The following GRIP1 variants were observed in gnomAD, a reference collection of about 807,000 sequenced individuals.
GRIP1 encodes glutamate receptor-interacting protein 1.
In GRIP1, 45 loss-of-function variants were observed where a neutral mutation model predicts 129.9. The observed-to-expected ratio is 0.35, with a 90% CI of 0.27 to 0.44. The LOEUF (loss-of-function observed/expected upper bound fraction) is 0.44, where lower values mean the gene tolerates loss of function less well. Among genes scored for constraint, GRIP1 ranks in the 20% least tolerant of loss-of-function variants. The pLI is 1.00. For synonymous variants in GRIP1, 530 were observed against 520.8 expected (o/e 1.02, Z -0.24); for missense variants, 1,196 against 1,396.8 (o/e 0.86, Z 2.29).
At chr12:66,719,024 A>T (rs191769714) in intron 1 of GRIP1, among the ~76,000 whole-genome samples, 1 of 152,212 alleles carries the variant, frequency 6.6e-6, no homozygotes, top group East Asian at 1.9e-4. Context: ...CAACTAAGAA[A>T]TTTTTTAGAA....
chr12:66,477,302 C>G (rs2138502454), intron 7 of GRIP1, among the ~76,000 whole-genome samples: 1 of 151,922 alleles, frequency 6.6e-6, no homozygotes, highest in Non-Finnish European at 1.5e-5. Context: ...AATAAAATAC[C>G]TAGGAATCCA....
Position 66,599,730 on chromosome 12 carries a change from C to T in GRIP1, c.56-2803G>A, listed in dbSNP as rs75508153. On this transcript the variant is annotated intron_variant, in intron 1 of 24. Coordinates refer to ENST00000359742, the MANE Select transcript of GRIP1 (RefSeq NM_001366722.1). ...CTATGGAGGCTTCTATCTTCTCTTG[C>T]GTCTCTAAATGCAGCTTTATAGATA... is the stretch of plus-strand genomic sequence containing the variant. Among the ~76,000 whole-genome samples, 986 of 152,244 alleles carry T rather than the reference C, an allele frequency of 6.5e-3. 7 individuals are homozygous for T. The highest frequency in any genetic ancestry group is 0.022 in the African/African-American group (933 of 41,548).
chr12:66,412,240 A>G (rs2057428143), intron 15 of GRIP1, among the ~76,000 whole-genome samples: 1 of 152,222 alleles, frequency 6.6e-6, no homozygotes, highest in South Asian at 2.1e-4. Flanking sequence ...AAGAAAAGCC[A>G]GGACGCCTAC....
chr12:66,783,738 C>A (rs1007903272), intron 1 of GRIP1, among the ~76,000 whole-genome samples: 1 of 151,852 alleles, frequency 6.6e-6, no homozygotes, highest in African/African-American at 2.4e-5. Flanking sequence ...CCTTAAAGTG[C>A]TAAAAAAATA....
intron 1 of GRIP1, among the ~76,000 whole-genome samples, chr12:66,653,369 T>C (rs1382889882): frequency 6.6e-6 from 1 of 152,216 alleles, no homozygotes; most frequent in Non-Finnish European, 1.5e-5. Flanking sequence ...TTTTGCAGAA[T>C]ATTCAGGCAT....
chr12:66,917,964 A>C (rs1196724998), intron 1 of GRIP1, among the ~76,000 whole-genome samples: 1 of 151,998 alleles, frequency 6.6e-6, no homozygotes, highest in Non-Finnish European at 1.5e-5. Context: ...ACACACACAC[A>C]CACACACACA....
chr12:66,375,822 G>A (rs2055759354), intron 22 of GRIP1, among the ~76,000 whole-genome samples: 1 of 152,126 alleles, frequency 6.6e-6, no homozygotes. Flanking sequence ...TGTAAAATAA[G>A]CTGTTAGAAA....
chr12:66,634,965 A>G (rs1482344960), intron 1 of GRIP1, among the ~76,000 whole-genome samples: 1 of 152,230 alleles, frequency 6.6e-6, no homozygotes, highest in Non-Finnish European at 1.5e-5. Flanking sequence ...CTGGCATCAT[A>G]TTATTTGTTC....
At position 66,678,990 on chromosome 12, in the gene GRIP1, G is replaced by T. The variant is rs965606050; in HGVS notation, c.-86C>A. ...CAGCAGCAGCATATGAATTCCTTGCGCACATACCAGGAGAAAGGTAGTCCC... is the reference window on the plus strand; with the variant it reads ...CAGCAGCAGCATATGAATTCCTTGCTCACATACCAGGAGAAAGGTAGTCCC... On this transcript the variant is annotated 5_prime_UTR_variant, in exon 1 of 25. The change creates a premature stop within an existing upstream ORF in the 5' untranslated region. Coordinates refer to ENST00000359742, the MANE Select transcript of GRIP1 (RefSeq NM_001366722.1). 3 of 1,603,890 alleles carry T rather than the reference G, an allele frequency of 1.9e-6. No individual in the cohort carries two copies. The East Asian group carries it at 6.8e-5, about 36-fold the overall frequency.
chr12:66,379,549 A>C, intron 19 of GRIP1, 113 bp from the exon 20 acceptor site: 1 of 1,015,172 alleles, frequency 9.9e-7, no homozygotes, highest in Non-Finnish European at 1.6e-6. Flanking sequence ...CAATAACAAT[A>C]GTGAACACAT....
chr12:66,804,333 C>T (rs1347146127), upstream of GRIP1: 2 of 218,382 alleles, frequency 9.2e-6, no homozygotes, highest in South Asian at 6.2e-5. Flanking sequence ...ACCATCAACA[C>T]GGCGACTTTG....
At chr12:66,897,937 G>A (rs1389214558) in intron 1 of GRIP1, among the ~76,000 whole-genome samples, 12 of 152,032 alleles carry the variant, frequency 7.9e-5, no homozygotes, top group Admixed American at 4.6e-4. Context: ...CCAAATCCTC[G>A]CAAAACAAAG....
intron 1 of GRIP1, among the ~76,000 whole-genome samples, chr12:66,920,022 C>A (rs1006896719): frequency 2.0e-5 from 3 of 151,788 alleles, no homozygotes; most frequent in East Asian, 3.9e-4. Context: ...ATAATATAAA[C>A]CCAATAGAAT....
At chr12:66,932,533 G>A (rs940262440) in intron 1 of GRIP1, among the ~76,000 whole-genome samples, 12 of 151,718 alleles carry the variant, frequency 7.9e-5, no homozygotes, top group South Asian at 4.2e-4. Flanking sequence ...AAGCGAATAG[G>A]TCACTTAATT....
chr12:66,396,553 G>A (rs1177474094), intron 16 of GRIP1, among the ~76,000 whole-genome samples: 1 of 152,184 alleles, frequency 6.6e-6, no homozygotes, highest in Non-Finnish European at 1.5e-5. Flanking sequence ...AGGATAGTCT[G>A]TTTCAGGCTG....
chr12:66,448,421 C>A (rs771335136), intron 11 of GRIP1, among the ~76,000 whole-genome samples: 1 of 152,144 alleles, frequency 6.6e-6, no homozygotes, highest in African/African-American at 2.4e-5. Flanking sequence ...TTTGGGCTTT[C>A]ATTATTTTTT....
At chr12:66,360,470 TGA>T (rs2054704414) in intron 23 of GRIP1, among the ~76,000 whole-genome samples, 1 of 152,166 alleles carries the variant, frequency 6.6e-6, no homozygotes, top group Admixed American at 6.5e-5. Context: ...ACCTGGACCA[TGA>T]ACACAGTTGC....
chr12:66,660,014 A>T (rs1291618519), intron 1 of GRIP1, among the ~76,000 whole-genome samples: 2 of 152,200 alleles, frequency 1.3e-5, no homozygotes, highest in Non-Finnish European at 2.9e-5. Flanking sequence ...CATCAAAATA[A>T]ATCAATGTTC....
At chr12:66,385,757 A>G (rs61925898) in intron 19 of GRIP1, among the ~76,000 whole-genome samples, 89,895 of 151,622 alleles carry the variant, frequency 0.59, 28,938 homozygotes, top group African/African-American at 0.83. Context: ...TTACAGACAC[A>G]CACCACCACA....
Sources: allele counts gnomAD v4.1 joint callset (sites outside exome capture counted in the v4.1 genomes callset), GRCh38; gene constraint gnomAD v4.1.1; transcripts MANE v1.5; gene names NCBI Gene and HGNC (gene_info 2026-07-23, HGNC 2026-07-21).